The following CCDC91 variants were observed in gnomAD, a reference collection of about 807,000 sequenced individuals.
CCDC91 encodes the protein coiled-coil domain-containing protein 91.
In CCDC91, 48 loss-of-function variants were observed where a neutral mutation model predicts 63.2. The ratio of observed to expected loss-of-function variants is 0.76; its 90% confidence interval spans 0.60 to 0.97. The LOEUF is 0.97. Ranked by LOEUF, CCDC91 falls within the 50% of genes least tolerant of loss-of-function variation. CCDC91 has a pLI of 0.00. For synonymous variants in CCDC91, 167 were observed against 165.8 expected (o/e 1.01, Z -0.06); for missense variants, 500 against 494.6 (o/e 1.01, Z -0.10).
intron 6 of CCDC91, among the ~76,000 whole-genome samples, chr12:28,341,529 T>A (rs1485269871): frequency 6.6e-6 from 1 of 152,226 alleles, no homozygotes; most frequent in Non-Finnish European, 1.5e-5. Context: ...GTAACATTGA[T>A]TTCATTAACT....
chr12:28,331,843 G>A (rs920454599), intron 6 of CCDC91, among the ~76,000 whole-genome samples: 5 of 151,998 alleles, frequency 3.3e-5, no homozygotes, highest in African/African-American at 1.2e-4. Flanking sequence ...AATAGATTAT[G>A]AAATACGTAA....
chr12:28,519,512 G>A (rs1277187437), intron 12 of CCDC91, among the ~76,000 whole-genome samples: 1 of 151,524 alleles, frequency 6.6e-6, no homozygotes, highest in African/African-American at 2.4e-5. Flanking sequence ...CAGTGACAGT[G>A]TAACTTCCTC....
intron 8 of CCDC91, among the ~76,000 whole-genome samples, chr12:28,420,393 T>C (rs1947929882): frequency 6.6e-6 from 1 of 152,160 alleles, no homozygotes; most frequent in South Asian, 2.1e-4. Context: ...GAAATAGAAA[T>C]GTGAATAATT....
At chr12:28,459,834 A>G (rs1592733907) in intron 11 of CCDC91, among the ~76,000 whole-genome samples, 1 of 152,302 alleles carries the variant, frequency 6.6e-6, no homozygotes, top group African/African-American at 2.4e-5. Context: ...TGTAGATTCA[A>G]AAGATACCAT....
intron 6 of CCDC91, among the ~76,000 whole-genome samples, chr12:28,318,506 A>G (rs1940147242): frequency 6.6e-6 from 1 of 151,994 alleles, no homozygotes; most frequent in South Asian, 2.1e-4. Flanking sequence ...GCACCACTGT[A>G]CTCTAACCTC....
At chr12:28,486,515 A>C (rs1164842538) in intron 12 of CCDC91, among the ~76,000 whole-genome samples, 2 of 152,136 alleles carry the variant, frequency 1.3e-5, no homozygotes, top group African/African-American at 4.8e-5. Flanking sequence ...TTTTAGACTA[A>C]CATTTCTTTG....
At chr12:28,254,874 C>A (rs191410944) in intron 1 of CCDC91, among the ~76,000 whole-genome samples, 1 of 150,288 alleles carries the variant, frequency 6.7e-6, no homozygotes, top group Non-Finnish European at 1.5e-5. Context: ...CAGGTTCAAG[C>A]GATTCTTCTA....
At chr12:28,406,406 C>T (rs1946949713) in intron 8 of CCDC91, among the ~76,000 whole-genome samples, 1 of 152,048 alleles carries the variant, frequency 6.6e-6, no homozygotes, top group Non-Finnish European at 1.5e-5. Flanking sequence ...GTCGTATGAT[C>T]AAATACCTAG....
At chr12:28,516,845 G>A (rs1299332447) in intron 12 of CCDC91, among the ~76,000 whole-genome samples, 3 of 151,856 alleles carry the variant, frequency 2.0e-5, no homozygotes, top group Non-Finnish European at 4.4e-5. Context: ...CAAGGGCAGA[G>A]CCCTCATGAT....
chr12:28,239,411 G>C (rs1945182624), intron 1 of CCDC91, among the ~76,000 whole-genome samples: 1 of 152,084 alleles, frequency 6.6e-6, no homozygotes, highest in African/African-American at 2.4e-5. Context: ...AAAATTGCAT[G>C]TGATGGCATT....
intron 8 of CCDC91, among the ~76,000 whole-genome samples, chr12:28,448,886 A>G (rs1949665651): frequency 1.3e-5 from 2 of 151,982 alleles, no homozygotes; most frequent in South Asian, 4.2e-4. Flanking sequence ...ATTGTTTCTG[A>G]TCCTATGAAA....
chr12:28,328,499 A>G (rs924259831), intron 6 of CCDC91, among the ~76,000 whole-genome samples: 2 of 152,214 alleles, frequency 1.3e-5, no homozygotes, highest in South Asian at 2.1e-4. Flanking sequence ...CAGATTGCCA[A>G]TTTAGAAAGA....
intron 12 of CCDC91, among the ~76,000 whole-genome samples, chr12:28,511,276 A>T (rs1939347736): frequency 6.6e-6 from 1 of 151,868 alleles, no homozygotes; most frequent in Non-Finnish European, 1.5e-5. Flanking sequence ...CATTTTCCAT[A>T]CAGCAGCTAA....
rs569247914 is a variant in CCDC91, at chr12:28,332,661, T to C, written c.576+24912T>C. ...CTTAAAATGGACCAAACTAGTTTAATGCTCTGCTCATCCCCTCTGACTTTT... is the reference window on the plus strand; with the variant it reads ...CTTAAAATGGACCAAACTAGTTTAACGCTCTGCTCATCCCCTCTGACTTTT... On this transcript the variant is annotated intron_variant, in intron 6 of 12. Coordinates refer to ENST00000536442, the MANE Select transcript of CCDC91 (RefSeq NM_018318.5). 1.2e-4 allele frequency among the ~76,000 whole-genome samples: 19 copies of C among 152,326 alleles called. No homozygotes were observed. The East Asian group carries it at 3.7e-3, about 29-fold the overall frequency.
chr12:28,364,858 C>G (rs1434872881), intron 7 of CCDC91, among the ~76,000 whole-genome samples: 2 of 152,038 alleles, frequency 1.3e-5, no homozygotes, highest in Non-Finnish European at 2.9e-5. Flanking sequence ...TACCTTTTTT[C>G]CATATTATTA....
chr12:28,443,666 T>A (rs1171111207), intron 8 of CCDC91, among the ~76,000 whole-genome samples: 3 of 152,084 alleles, frequency 2.0e-5, no homozygotes, highest in African/African-American at 7.2e-5. Flanking sequence ...AGTAGAGCCA[T>A]TAGCACTGAG....
At chr12:28,428,169 T>C (rs1405811) in intron 8 of CCDC91, among the ~76,000 whole-genome samples, 59,248 of 152,060 alleles carry the variant, frequency 0.39, 12,020 homozygotes, top group Middle Eastern at 0.48. Flanking sequence ...CAGTGTTCAC[T>C]GTGTGCCCTC....
intron 8 of CCDC91, among the ~76,000 whole-genome samples, chr12:28,409,172 C>A (rs1947157692): frequency 6.6e-6 from 1 of 152,100 alleles, no homozygotes; most frequent in South Asian, 2.1e-4. Context: ...TTTGCTTGAT[C>A]ATAAGAAGAA....
chr12:28,327,345 A>C (rs1237169762), intron 6 of CCDC91, among the ~76,000 whole-genome samples: 3 of 152,120 alleles, frequency 2.0e-5, no homozygotes, highest in Non-Finnish European at 4.4e-5. Flanking sequence ...GGGGCTATGC[A>C]TGTTCAACAT....
Sources: allele counts gnomAD v4.1 joint callset (sites outside exome capture counted in the v4.1 genomes callset), GRCh38; gene constraint gnomAD v4.1.1; transcripts MANE v1.5; gene names NCBI Gene and HGNC (gene_info 2026-07-23, HGNC 2026-07-21).